Variants in USP16 observed in about 807,000 individuals in gnomAD.
USP16 encodes the protein ubiquitin carboxyl-terminal hydrolase 16.
Under a neutral mutation model 95.9 loss-of-function variants are expected in USP16, and 77 were observed. That is an observed-to-expected ratio of 0.80 (90% CI 0.67 to 0.97). The LOEUF (loss-of-function observed/expected upper bound fraction) is 0.97. USP16 is among the 50% of genes least tolerant of loss of function. The pLI, the probability that USP16 is intolerant of heterozygous loss-of-function variation, is 0.00. For missense variants in USP16, 943 were observed against 959.9 expected (o/e 0.98, Z 0.23); for synonymous variants, 303 against 318.2 (o/e 0.95, Z 0.51).
chr21:29,026,876 G>A (rs941747880), intron 1 of USP16, among the ~76,000 whole-genome samples: 2 of 152,162 alleles, frequency 1.3e-5, no homozygotes, highest in Non-Finnish European at 2.9e-5. Flanking sequence ...TTGTTGAGGT[G>A]TAATAGAAAG....
intron 16 of USP16, among the ~76,000 whole-genome samples, chr21:29,050,547 T>C (rs1185472750): frequency 1.3e-5 from 2 of 152,280 alleles, no homozygotes; most frequent in East Asian, 3.9e-4. Flanking sequence ...AGGAATGGCT[T>C]TGTAAAGTAA....
chr21:29,024,877 C>G (rs2084962059), intron 1 of USP16, 100 bp downstream of exon 1: 2 of 1,156,282 alleles, frequency 1.7e-6, no homozygotes, highest in South Asian at 1.5e-5. Context: ...TTCTTGAAGG[C>G]CGCTCTCCTT....
intron 16 of USP16, 76 bp from the exon 17 acceptor site, chr21:29,053,719 TTGCATAG>T (rs1382772358): frequency 1.7e-4 from 236 of 1,412,618 alleles, no homozygotes; most frequent in Non-Finnish European, 2.1e-4. Context: ...TAAAGACCCT[TTGCATAG>T]TGTAAACTTG....
Position 29,054,111 on chromosome 21 carries a change from C to T in USP16, c.2396C>T (p.Thr799Ile). The T allele has an allele frequency of 6.2e-7, 1 of 1,614,230 alleles. No individual in the cohort carries two copies. Among genetic ancestry groups the T allele is most frequent in the South Asian group, 1.1e-5 (1 of 91,090 alleles). ...SKGQWFHISD[T>I]HVQAVPTTKV... is the part of the protein sequence containing the mutation. Reference sequence around the variant, plus strand: ...GGGCAGTGGTTTCACATCAGCGACACACATGTGCAAGCTGTGCCTACAACT... The same window carrying T: ...GGGCAGTGGTTTCACATCAGCGACATACATGTGCAAGCTGTGCCTACAACT... The change falls in exon 18 of 18, where the codon ACA becomes ATA. Residue 799 changes from threonine to isoleucine, a missense_variant. Transcript: ENST00000399976.
In USP16 at chr21:29,034,886, C is replaced by A. The variant is rs190732010; in HGVS notation, c.290C>A (p.Thr97Lys). The A allele has an allele frequency of 6.2e-7, 1 of 1,613,950 alleles. No homozygotes were observed. The highest frequency in any genetic ancestry group is 8.5e-7 in the Non-Finnish European group (1 of 1,180,008). The change falls in exon 4 of 18, where the codon ACG becomes AAG. Residue 97 changes from threonine to lysine, a missense_variant. Thr to Lys is a moderately conservative substitution (Grantham distance 78). Transcript: ENST00000399976. The stretch of plus-strand genomic sequence containing the variant: ...CAGCATGCCTTGAAGCACTATCTGA[C>A]GCCAAGATCTGAACCTCACTGTCTG... ...QEQHALKHYL[T>K]PRSEPHCLVL... is the part of the protein sequence containing the mutation.
chr21:29,038,945 A>G, intron 7 of USP16, 81 bp from the exon 8 acceptor site: 3 of 1,332,028 alleles, frequency 2.3e-6, no homozygotes, highest in African/African-American at 1.5e-5. Flanking sequence ...CATTGGTAGT[A>G]TATGTTAACT....
At position 29,046,999 on chromosome 21, in the gene USP16, G is replaced by T; in HGVS notation, c.1689G>T (p.Thr563=). The T allele has an allele frequency of 1.9e-6, 3 of 1,614,062 alleles. No homozygotes were observed. The highest frequency in any genetic ancestry group is 2.5e-6 in the Non-Finnish European group (3 of 1,180,006). ...GGAATTTAAATGGTGCCTACCTAAC[G>T]GAAGGGAGCAATGGAGAAGTGGACA... ...PTRNLNGAYL[T]EGSNGEVDIS... Residue 563 remains threonine (T), a synonymous_variant, in exon 14 of 18, where the codon ACG becomes ACT. Coordinates refer to ENST00000399976, the MANE Select transcript of USP16 (RefSeq NM_006447.3).
At position 29,047,256 on chromosome 21, in the gene USP16, C is replaced by T. The variant is rs200008218; in HGVS notation, c.1946C>T (p.Ala649Val). ...QFTRNEKLRD[A>V]NKLLCEVCTR... ...ACCCGTAATGAGAAACTTCGAGATGCGAATAAACTGCTTTGTGAAGTATGC... is the reference window on the plus strand; with the variant it reads ...ACCCGTAATGAGAAACTTCGAGATGTGAATAAACTGCTTTGTGAAGTATGC... Residue 649 changes from alanine (A) to valine (V), a missense_variant, in exon 14 of 18, where the codon GCG becomes GTG. Coordinates refer to ENST00000399976, the MANE Select transcript of USP16 (RefSeq NM_006447.3). 19 of 1,613,894 alleles carry T rather than the reference C, an allele frequency of 1.2e-5. No homozygotes were observed. The highest frequency in any genetic ancestry group is 6.6e-5 in the South Asian group (6 of 91,074).
chr21:29,040,344 G>T (rs983190561), intron 9 of USP16, among the ~76,000 whole-genome samples: 1 of 152,114 alleles, frequency 6.6e-6, no homozygotes, highest in African/African-American at 2.4e-5. Context: ...TCTCAAAGGT[G>T]GTGGGCATGT....
intron 12 of USP16, 105 bp from the exon 13 acceptor site, chr21:29,043,318 C>A: frequency 3.6e-6 from 3 of 823,138 alleles, no homozygotes; most frequent in South Asian, 4.8e-5. Context: ...AAAAAAAAAG[C>A]TAATACATAA....
rs750022907 is a variant in USP16, at chr21:29,054,193, T to A, written c.*6T>A. On this transcript the variant is annotated 3_prime_UTR_variant, in exon 18 of 18. Transcript: ENST00000399976. ...TTTATGAGAGAATACTGTAATAATA[T>A]CAAAAGCACTTTTTCTGGAAACACA... The A allele has an allele frequency of 6.2e-7, 1 of 1,606,484 alleles. No individual in the cohort carries two copies. Among genetic ancestry groups the A allele is most frequent in the Non-Finnish European group, 8.5e-7 (1 of 1,175,468 alleles).
intron 16 of USP16, among the ~76,000 whole-genome samples, chr21:29,051,312 A>G (rs1281672395): frequency 2.0e-5 from 3 of 152,362 alleles, no homozygotes; most frequent in African/African-American, 7.2e-5. Context: ...TTGGATATAC[A>G]TATCTGAGAC....
At position 29,047,271 on chromosome 21, in the gene USP16, G is replaced by T; in HGVS notation, c.1961G>T (p.Cys654Phe). 1 of 1,614,078 alleles carries T rather than the reference G, an allele frequency of 6.2e-7. No homozygotes were observed. The highest frequency in any genetic ancestry group is 8.5e-7 in the Non-Finnish European group (1 of 1,180,000). The change falls in exon 14 of 18, where the codon TGT (cysteine) becomes TTT (phenylalanine). Residue 654 changes from cysteine to phenylalanine, a missense_variant. Physicochemically the swap from Cys to Phe is radical, Grantham distance 205. Transcript: ENST00000399976. ...CTTCGAGATGCGAATAAACTGCTTT[G>T]TGAAGTATGCACACGGAGACAGTGT... ...EKLRDANKLL[C>F]EVCTRRQCNG...
intron 1 of USP16, chr21:29,024,998 T>G (rs2084964577): frequency 2.7e-6 from 1 of 376,898 alleles, no homozygotes; most frequent in Non-Finnish European, 4.6e-6. Flanking sequence ...CTCGACCCCG[T>G]GGACCCAGAG....
intron 10 of USP16, among the ~76,000 whole-genome samples, chr21:29,040,894 A>C (rs913018023): frequency 6.6e-6 from 1 of 152,244 alleles, no homozygotes; most frequent in Admixed American, 6.5e-5. Context: ...AGATAGAACT[A>C]TGATGAATTA....
At chr21:29,050,035 C>T (rs559577233) in intron 15 of USP16, 57 bp from the exon 16 acceptor site, 1 of 1,528,430 alleles carries the variant, frequency 6.5e-7, no homozygotes, top group Non-Finnish European at 8.9e-7. Flanking sequence ...CTTCGGTTTA[C>T]TTAACCTGTA....
At chr21:29,033,292 T>C (rs534122018) in intron 3 of USP16, among the ~76,000 whole-genome samples, 2 of 152,362 alleles carry the variant, frequency 1.3e-5, no homozygotes, top group East Asian at 3.8e-4. Flanking sequence ...TCAAATGATG[T>C]TGTAATTTTC....
At chr21:29,049,531 C>G (rs902500756) in intron 15 of USP16, among the ~76,000 whole-genome samples, 5 of 152,166 alleles carry the variant, frequency 3.3e-5, no homozygotes, top group African/African-American at 1.2e-4. Flanking sequence ...ATGGCTGAAG[C>G]AGAAACATTG....
chr21:29,036,244 T>C (rs2085154567), intron 4 of USP16, 27 bp from the exon 5 acceptor site: 4 of 1,575,120 alleles, frequency 2.5e-6, no homozygotes, highest in Middle Eastern at 1.7e-4. Context: ...ATTTTGTCAT[T>C]TTTCATCTCT....
Sources: gnomAD v4.1 joint callset for allele counts (sites outside exome capture counted in the v4.1 genomes callset) on GRCh38, gnomAD v4.1.1 for gene constraint, MANE v1.5 for transcripts, NCBI Gene and HGNC (gene_info 2026-07-23, HGNC 2026-07-21) for gene names.